The following GRM8 variants were observed in gnomAD, a reference collection of about 807,000 sequenced individuals.
GRM8 encodes the protein metabotropic glutamate receptor 8.
In GRM8, 47 loss-of-function variants were observed where a neutral mutation model predicts 87.2. The ratio of observed to expected loss-of-function variants is 0.54; its 90% CI spans 0.43 to 0.69. GRM8 has a LOEUF of 0.69. GRM8 is among the 30% of genes least tolerant of loss of function. The pLI is 0.00. For synonymous variants in GRM8, 396 were observed against 404.5 expected (o/e 0.98, Z 0.25); for missense variants, 1,019 against 1,139.2 (o/e 0.89, Z 1.52).
In GRM8 at chr7:126,456,519, T is replaced by TAAAAAAAAAAAAAAAAAAAAAAAAAAAAA. The variant is rs513; in HGVS notation, c.2431-10148_2431-10147insTTTTTTTTTTTTTTTTTTTTTTTTTTTTT. Among the ~76,000 whole-genome samples the TAAAAAAAAAAAAAAAAAAAAAAAAAAAAA allele has an allele frequency of 2.6e-4, 18 of 69,692 alleles. 2 individuals carry two copies. The highest frequency in any genetic ancestry group is 3.1e-4 in the Admixed American group (2 of 6,502). The allele number at this position is 69,692 out of a possible 152,430, so 45.7% of individuals were successfully genotyped here. On this transcript the variant is annotated intron_variant, in intron 9 of 10. Transcript: ENST00000339582. ...TCCTAAGTGTAAGAAAGCAGCAAGC[T>TAAAAAAAAAAAAAAAAAAAAAAAAAAAAA]AAAAAAAAAAAAAAAAAAAAAAAAA...
chr7:126,988,826 T>C (rs1419438), intron 3 of GRM8, among the ~76,000 whole-genome samples: 52,257 of 152,008 alleles, frequency 0.34, 9,078 homozygotes, highest in Non-Finnish European at 0.38. Flanking sequence ...ACCAGTGAAT[T>C]CACTCAAATA....
At chr7:127,048,058 T>C (rs141966350) in intron 3 of GRM8, among the ~76,000 whole-genome samples, 2 of 152,290 alleles carry the variant, frequency 1.3e-5, no homozygotes, top group East Asian at 3.9e-4. Context: ...CAATGATTCC[T>C]GCCCTTGGGA....
At chr7:126,878,160 C>T (rs28752129) in intron 6 of GRM8, among the ~76,000 whole-genome samples, 3,518 of 152,290 alleles carry the variant, frequency 0.023, 147 homozygotes, top group African/African-American at 0.08. Flanking sequence ...CACCACCTAA[C>T]GCTAGGCATG....
At chr7:127,106,293 T>C (rs1327191657) in intron 3 of GRM8, among the ~76,000 whole-genome samples, 1 of 152,166 alleles carries the variant, frequency 6.6e-6, no homozygotes, top group Non-Finnish European at 1.5e-5. Flanking sequence ...ACTTCCTAAA[T>C]TAGCACCAAA....
chr7:126,878,796 G>A (rs894971498), intron 6 of GRM8, among the ~76,000 whole-genome samples: 7 of 151,752 alleles, frequency 4.6e-5, no homozygotes, highest in Admixed American at 1.3e-4. Flanking sequence ...CAAAGTGCTG[G>A]GATTACAGGC....
intron 3 of GRM8, chr7:126,981,372 G>C (rs765699758): frequency 3.3e-5 from 5 of 152,142 alleles, no homozygotes; most frequent in Non-Finnish European, 7.3e-5. Flanking sequence ...ATCTGAAAAT[G>C]GGTAATTTAT....
chr7:127,139,881 T>A (rs1246302002), intron 2 of GRM8, among the ~76,000 whole-genome samples: 3 of 152,068 alleles, frequency 2.0e-5, no homozygotes, highest in Admixed American at 6.5e-5. Context: ...CAGAATCCCA[T>A]GGAAGCTAGG....
chr7:126,902,221 A>G (rs1802158787), intron 6 of GRM8, among the ~76,000 whole-genome samples: 3 of 152,338 alleles, frequency 2.0e-5, no homozygotes, highest in African/African-American at 7.2e-5. Flanking sequence ...GGAGAGCAAT[A>G]CCATGTCTTA....
At chr7:126,959,678 AT>A (rs938642564) in intron 3 of GRM8, among the ~76,000 whole-genome samples, 4 of 152,250 alleles carry the variant, frequency 2.6e-5, no homozygotes, top group Admixed American at 1.3e-4. Context: ...GCACACATTT[AT>A]TTTTTCCTTT....
intron 9 of GRM8, among the ~76,000 whole-genome samples, chr7:126,526,137 T>C (rs949614187): frequency 6.6e-6 from 1 of 152,172 alleles, no homozygotes; most frequent in Non-Finnish European, 1.5e-5. Flanking sequence ...GTATGTTCCA[T>C]GAGAGATAAG....
chr7:126,491,429 T>G (rs189519150), intron 9 of GRM8, among the ~76,000 whole-genome samples: 93 of 152,232 alleles, frequency 6.1e-4, no homozygotes, highest in Non-Finnish European at 2.4e-4. Context: ...TCATTTACAT[T>G]TTCATAAAAA....
intron 6 of GRM8, among the ~76,000 whole-genome samples, chr7:126,828,820 C>T (rs10259032): frequency 0.014 from 2,143 of 152,226 alleles, 55 homozygotes; most frequent in African/African-American, 0.049. Flanking sequence ...GCTTTTAGTG[C>T]TTTCTCTTGT....
chr7:127,116,814 A>G (rs1439058144), intron 2 of GRM8, among the ~76,000 whole-genome samples: 6 of 152,188 alleles, frequency 3.9e-5, no homozygotes, highest in Non-Finnish European at 8.8e-5. Flanking sequence ...ACAGGCTGAA[A>G]AATATTAAAC....
At chr7:126,902,771 A>G (rs746714824) in intron 5 of GRM8, 92 bp from the exon 6 acceptor site, 16 of 860,442 alleles carry the variant, frequency 1.9e-5, no homozygotes, top group African/African-American at 3.5e-5. Flanking sequence ...TGATCACTGC[A>G]TGAAAAGAAA....
intron 8 of GRM8, among the ~76,000 whole-genome samples, chr7:126,585,079 T>A (rs781003799): frequency 1.3e-5 from 2 of 152,332 alleles, no homozygotes; most frequent in Non-Finnish European, 2.9e-5. Flanking sequence ...TAGCATCGCT[T>A]CTATTTATAC....
Position 126,629,960 on chromosome 7 carries a change from T to C in GRM8, c.1358-20462A>G, listed in dbSNP as rs184155778. Among the ~76,000 whole-genome samples, 305 of 152,292 alleles carry C rather than the reference T, an allele frequency of 2.0e-3. 2 individuals carry two copies. Among genetic ancestry groups the C allele is most frequent in the Non-Finnish European group, 3.2e-3 (219 of 67,994 alleles). ...AAAACAATAATTATTAGTTAATATA[T>C]TGTCTTTTCAAATGTATCTAAAACA... On this transcript the variant is annotated intron_variant, in intron 7 of 10. Coordinates refer to ENST00000339582, the MANE Select transcript of GRM8 (RefSeq NM_000845.3).
rs535855944 is a variant in GRM8 at position 126,953,059 on chromosome 7, G to A, written c.728-48376C>T. On this transcript the variant is annotated intron_variant, in intron 3 of 10. Coordinates refer to ENST00000339582, the MANE Select transcript of GRM8 (RefSeq NM_000845.3). Reference sequence around the variant, plus strand: ...GGGCAGGGATATGTGAAAATTCTCCGTTCCATTTTTGCAACTTTTCTTTAA... The same window carrying A: ...GGGCAGGGATATGTGAAAATTCTCCATTCCATTTTTGCAACTTTTCTTTAA... Among the ~76,000 whole-genome samples, 10 of 152,114 alleles carry A rather than the reference G, an allele frequency of 6.6e-5. No homozygotes were observed. The South Asian group carries it at 8.3e-4, about 13-fold the overall frequency.
At chr7:127,251,119 AG>A (rs1796580636) in intron 1 of GRM8, 1 of 152,134 alleles carries the variant, frequency 6.6e-6, no homozygotes, top group Admixed American at 6.5e-5. Context: ...GGACTTGCTT[AG>A]GGGACTTAAG....
At chr7:126,520,775 C>T (rs1812865767) in intron 9 of GRM8, among the ~76,000 whole-genome samples, 1 of 152,068 alleles carries the variant, frequency 6.6e-6, no homozygotes, top group African/African-American at 2.4e-5. Flanking sequence ...TCTTTGGAGA[C>T]ATGTACGTTA....
Sources: gnomAD v4.1 joint callset for allele counts (sites outside exome capture counted in the v4.1 genomes callset) on GRCh38, gnomAD v4.1.1 for gene constraint, MANE v1.5 for transcripts, NCBI Gene and HGNC (gene_info 2026-07-23, HGNC 2026-07-21) for gene names.